The following RNF170 variants were observed in gnomAD, a reference collection of about 807,000 sequenced individuals.
The protein encoded by RNF170 is ring finger protein 170, also known as E3 ubiquitin-protein ligase RNF170.
In RNF170, 12 loss-of-function variants were observed where a neutral mutation model predicts 32.7. That is an observed-to-expected ratio of 0.37 (90% CI 0.24 to 0.60). The LOEUF (loss-of-function observed/expected upper bound fraction) is 0.60. Ranked by LOEUF, RNF170 falls within the 20% of genes least tolerant of loss-of-function variation. RNF170 has a pLI of 0.72. For missense variants in RNF170, 212 were observed against 311.2 expected, an observed-to-expected ratio of 0.68 and a Z score of 2.40; for synonymous variants, 91 against 103.6, an observed-to-expected ratio of 0.88 and a Z score of 0.74.
intron 1 of RNF170, among the ~76,000 whole-genome samples, chr8:42,892,224 C>T (rs1366392427): frequency 6.6e-6 from 1 of 152,174 alleles, no homozygotes; most frequent in African/African-American, 2.4e-5. Context: ...TGTTCTGTCA[C>T]CCAGGCTGGA....
At chr8:42,883,184 C>T (rs180725357) in intron 2 of RNF170, among the ~76,000 whole-genome samples, 1 of 152,040 alleles carries the variant, frequency 6.6e-6, no homozygotes, top group African/African-American at 2.4e-5. Context: ...GGTTGAAATA[C>T]TACCTATTGA....
At chr8:42,879,466 C>A (rs1364494120) in intron 2 of RNF170, among the ~76,000 whole-genome samples, 2 of 151,994 alleles carry the variant, frequency 1.3e-5, no homozygotes, top group African/African-American at 4.8e-5. Context: ...GCCTGGCCAA[C>A]ACAGTGAAAC....
At chr8:42,874,280 A>G (rs973617534) in intron 2 of RNF170, among the ~76,000 whole-genome samples, 1 of 152,230 alleles carries the variant, frequency 6.6e-6, no homozygotes, top group Non-Finnish European at 1.5e-5. Flanking sequence ...CTTACAAGTA[A>G]TGTAAAGAAC....
At chr8:42,864,014 A>T (rs577356409) in intron 5 of RNF170, among the ~76,000 whole-genome samples, 13 of 85,922 alleles carry the variant, frequency 1.5e-4, no homozygotes, top group South Asian at 4.2e-4. Flanking sequence ...TGTGTGTGTG[A>T]ACATTCCACC....
At chr8:42,849,960 G>A (rs1011530771), downstream of RNF170, 1 of 152,316 alleles carries the variant, frequency 6.6e-6, no homozygotes, top group Non-Finnish European at 1.5e-5. Flanking sequence ...CCGGTGAGAG[G>A]TGCTCTGTGG....
intron 2 of RNF170, among the ~76,000 whole-genome samples, chr8:42,878,040 G>GCAAT (rs59449693): frequency 0.028 from 4,203 of 151,506 alleles, 67 homozygotes; most frequent in East Asian, 0.046. Flanking sequence ...GGTTATACTT[G>GCAAT]CAATCAATCA....
At position 42,854,694 on chromosome 8, in the gene RNF170, A is replaced by G. The variant is rs898505033; in HGVS notation, c.*1465T>C. 6 of 1,287,256 alleles carry G rather than the reference A, an allele frequency of 4.7e-6. No homozygotes were observed. In the African/African-American group the frequency reaches 9.1e-5, roughly 20 times the overall value. The allele number at this position is 1,287,256 out of a possible 1,614,324, so 79.7% of individuals were successfully genotyped here. ...CAGTCTGCATATAGTGAAGCTCACTAATAAATTAATGGATGATATTAATAG... is the reference window on the plus strand; with the variant it reads ...CAGTCTGCATATAGTGAAGCTCACTGATAAATTAATGGATGATATTAATAG... On this transcript the variant is annotated 3_prime_UTR_variant, in exon 7 of 7. Coordinates refer to ENST00000527424, the MANE Select transcript of RNF170 (RefSeq NM_030954.4).
At chr8:42,852,277 T>A (rs1160130196), downstream of RNF170, among the ~76,000 whole-genome samples, 1 of 152,214 alleles carries the variant, frequency 6.6e-6, no homozygotes. Flanking sequence ...CTTTTCTTGT[T>A]TCCTGTCTTC....
chr8:42,886,803 G>T lies in RNF170; in HGVS notation c.137+925C>A, dbSNP rs1805862147. ...CCTGGGAAGCTGGGATGGGAGGACT[G>T]CTTGAGTCCAGGAGTTCAAGTCCAA... On this transcript the variant is annotated intron_variant, in intron 2 of 6. Transcript: ENST00000527424. Among the ~76,000 whole-genome samples, 3 of 152,160 alleles carry T rather than the reference G, an allele frequency of 2.0e-5. No homozygotes were observed. In the South Asian group the frequency reaches 6.2e-4, roughly 32 times the overall value.
At chr8:42,872,720 C>T (rs973945904) in intron 3 of RNF170, among the ~76,000 whole-genome samples, 8 of 151,918 alleles carry the variant, frequency 5.3e-5, no homozygotes, top group Non-Finnish European at 8.8e-5. Flanking sequence ...GGATTACAGG[C>T]GTGAGCCACT....
At chr8:42,896,091 G>A in intron 1 of RNF170, 1 of 211,748 alleles carries the variant, frequency 4.7e-6, no homozygotes, top group Non-Finnish European at 9.8e-6. Context: ...GCCATTAAGC[G>A]AAGGCAACTC....
In RNF170 at chr8:42,896,567, G is replaced by C. The variant is rs1291434861; in HGVS notation, c.-91C>G. The C allele has an allele frequency of 4.4e-6, 2 of 453,756 alleles. No individual in the cohort carries two copies. The highest frequency in any genetic ancestry group is 4.0e-5 in the African/African-American group (2 of 49,962). The allele number at this position is 453,756 out of a possible 1,614,324, so 28.1% of individuals were successfully genotyped here. Reference sequence around the variant, plus strand: ...CAGGACCGCTCCCGCCACCCCTCCCGGGCAACCCACTAGACGTCCCCTTTC... The same window carrying C: ...CAGGACCGCTCCCGCCACCCCTCCCCGGCAACCCACTAGACGTCCCCTTTC... On this transcript the variant is annotated 5_prime_UTR_variant, in exon 1 of 7. Transcript: ENST00000527424.
intron 6 of RNF170, among the ~76,000 whole-genome samples, chr8:42,860,634 G>A (rs1304837640): frequency 6.6e-6 from 1 of 152,004 alleles, no homozygotes; most frequent in Non-Finnish European, 1.5e-5. Flanking sequence ...TGTTGATCAG[G>A]CTGGTCTCAA....
At chr8:42,867,789 A>AG (rs1347123361) in intron 4 of RNF170, among the ~76,000 whole-genome samples, 1 of 150,520 alleles carries the variant, frequency 6.6e-6, no homozygotes, top group African/African-American at 2.4e-5. Context: ...AAAAAAAAAA[A>AG]AAAAAAAAAA....
chr8:42,856,866 T>C (rs902480029), intron 6 of RNF170, among the ~76,000 whole-genome samples: 1 of 152,178 alleles, frequency 6.6e-6, no homozygotes, highest in Non-Finnish European at 1.5e-5. Flanking sequence ...CTACTAGAGA[T>C]AATTCAACAA....
rs181849814 is a variant in RNF170 at position 42,853,997 on chromosome 8, C to A, written c.*2162G>T. 1 of 1,287,030 alleles carries A rather than the reference C, an allele frequency of 7.8e-7. No individual in the cohort carries two copies. The highest frequency in any genetic ancestry group is 5.5e-5 in the East Asian group (1 of 18,020). 79.7% of individuals were successfully genotyped at this position (1,287,030 alleles called of 1,614,324 possible). ...CCTGTCAAAAAATGACATCACCATT[C>A]CCCCACACCAAATGTGTAATTGGTA... On this transcript the variant is annotated 3_prime_UTR_variant, in exon 7 of 7. Coordinates refer to ENST00000527424, the MANE Select transcript of RNF170 (RefSeq NM_030954.4).
rs766090389 is a variant in RNF170 at position 42,853,972 on chromosome 8, C to A, written c.*2187G>T. 14 of 1,287,058 alleles carry A rather than the reference C, an allele frequency of 1.1e-5. No homozygotes were observed. The South Asian group carries it at 1.5e-4, about 14-fold the overall frequency. 79.7% of individuals were successfully genotyped at this position (1,287,058 alleles called of 1,614,324 possible). On this transcript the variant is annotated 3_prime_UTR_variant, in exon 7 of 7. Transcript: ENST00000527424. ...AGAATGCATGCACACAAAATAAAAT[C>A]CTGTCAAAAAATGACATCACCATTC...
chr8:42,849,702 C>T (rs1802894357), downstream of RNF170: 1 of 152,178 alleles, frequency 6.6e-6, no homozygotes, highest in Non-Finnish European at 1.5e-5. Context: ...CTCTGAGGTC[C>T]TCTGTGCCTG....
intron 1 of RNF170, chr8:42,889,367 C>T (rs1309768378): frequency 1.3e-5 from 2 of 151,352 alleles, no homozygotes; most frequent in Non-Finnish European, 2.9e-5. Context: ...ACAGGTAATT[C>T]ACATTTTTTT....
Sources: gnomAD v4.1 joint callset for allele counts (sites outside exome capture counted in the v4.1 genomes callset) on GRCh38, gnomAD v4.1.1 for gene constraint, MANE v1.5 for transcripts, NCBI Gene and HGNC (gene_info 2026-07-23, HGNC 2026-07-21) for gene names.